Variants in ZNF679 observed in about 807,000 individuals in gnomAD.
ZNF679 encodes hypothetical protein MGC42415.
ZNF679 carries 10 observed loss-of-function variants against 13.4 expected under a neutral mutation model. The observed-to-expected ratio is 0.75, with a 90% CI of 0.46 to 1.27. ZNF679 has a LOEUF of 1.27. ZNF679 is among the 50% of genes most tolerant of loss of function. The pLI, the probability that ZNF679 is intolerant of heterozygous loss-of-function variation, is 0.00. For missense variants in ZNF679, 525 were observed against 477.8 expected, an observed-to-expected ratio of 1.10 and a Z score of -0.92; for synonymous variants, 179 against 162.5, an observed-to-expected ratio of 1.10 and a Z score of -0.77.
At chr7:64,238,162 G>C (rs1787751961) in intron 1 of ZNF679, among the ~76,000 whole-genome samples, 1 of 152,056 alleles carries the variant, frequency 6.6e-6, no homozygotes, top group African/African-American at 2.4e-5. Context: ...CTTGGACTCT[G>C]CTCCACCTCC....
At chr7:64,229,714 G>A (rs531972442) in intron 1 of ZNF679, among the ~76,000 whole-genome samples, 2 of 152,248 alleles carry the variant, frequency 1.3e-5, no homozygotes, top group South Asian at 2.1e-4. Flanking sequence ...AATCTAGCCA[G>A]GGGAGTAAAA....
intron 2 of ZNF679, among the ~76,000 whole-genome samples, chr7:64,257,229 C>T (rs189567204): frequency 3.7e-4 from 56 of 152,262 alleles, no homozygotes; most frequent in Non-Finnish European, 4.4e-4. Context: ...TAGTGTTATA[C>T]ACTTTGTTCT....
chr7:64,265,401 T>C (rs1350035305), intron 4 of ZNF679, among the ~76,000 whole-genome samples: 1 of 152,204 alleles, frequency 6.6e-6, no homozygotes, highest in African/African-American at 2.4e-5. Flanking sequence ...TACTACAGTC[T>C]TTCTGCTGTT....
intron 2 of ZNF679, 37 bp downstream of exon 2, chr7:64,249,193 G>A (rs1787909975): frequency 6.2e-7 from 1 of 1,613,964 alleles, no homozygotes; most frequent in African/African-American, 1.3e-5. Context: ...AGAGGGGTGA[G>A]GGCTGGTTGG....
intron 2 of ZNF679, among the ~76,000 whole-genome samples, chr7:64,257,511 A>G (rs1186694988): frequency 6.6e-6 from 1 of 152,174 alleles, no homozygotes; most frequent in Admixed American, 6.5e-5. Flanking sequence ...AAATTATTCA[A>G]CACTTAGTAG....
intron 4 of ZNF679, among the ~76,000 whole-genome samples, chr7:64,264,697 T>C (rs1788121404): frequency 6.6e-6 from 1 of 152,116 alleles, no homozygotes; most frequent in South Asian, 2.1e-4. Flanking sequence ...ACACAGTTCT[T>C]TTCTGACCTG....
intron 1 of ZNF679, among the ~76,000 whole-genome samples, chr7:64,242,080 CA>C (rs1787806303): frequency 6.6e-6 from 1 of 152,208 alleles, no homozygotes; most frequent in African/African-American, 2.4e-5. Context: ...CACTTATAAA[CA>C]GTGTCCCAGT....
chr7:64,232,917 C>T (rs1787660036), intron 1 of ZNF679, among the ~76,000 whole-genome samples: 1 of 152,102 alleles, frequency 6.6e-6, no homozygotes, highest in Admixed American at 6.6e-5. Context: ...AGAGGTATGT[C>T]ACAATACCCC....
At chr7:64,263,918 A>T (rs1038615044) in intron 4 of ZNF679, among the ~76,000 whole-genome samples, 2 of 152,054 alleles carry the variant, frequency 1.3e-5, no homozygotes, top group African/African-American at 4.8e-5. Flanking sequence ...TCTGTTTTTT[A>T]ATTAATTTTT....
chr7:64,261,522 G>A (rs1788077085), intron 4 of ZNF679, among the ~76,000 whole-genome samples: 2 of 151,924 alleles, frequency 1.3e-5, no homozygotes, highest in Admixed American at 1.3e-4. Context: ...TTACTGTGTT[G>A]CATATTTTAG....
In ZNF679 at chr7:64,260,227, T is replaced by A; in HGVS notation, c.46T>A (p.Leu16Met). The change falls in exon 3 of 5, where the codon TTG becomes ATG. Residue 16 changes from leucine to methionine, a missense_variant. Coordinates refer to ENST00000421025, the MANE Select transcript of ZNF679 (RefSeq NM_153363.3). Reference sequence around the variant, plus strand: ...TGTTGTTATTGTTTTTCAGGGACTGTTGACATTCAGAGATGTAGTCATAGA... The same window carrying A: ...TGTTGTTATTGTTTTTCAGGGACTGATGACATTCAGAGATGTAGTCATAGA... ...GSPGSREMGL[L>M]TFRDVVIEFS... 6.2e-7 allele frequency: 1 copy of A among 1,603,578 alleles called. No homozygotes were observed. The highest frequency in any genetic ancestry group is 8.5e-7 in the Non-Finnish European group (1 of 1,177,144).
chr7:64,231,844 G>A (rs956787344), intron 1 of ZNF679, among the ~76,000 whole-genome samples: 11 of 152,212 alleles, frequency 7.2e-5, no homozygotes, highest in African/African-American at 2.7e-4. Flanking sequence ...TCAGGTGCTA[G>A]GCAAAGGTAG....
In ZNF679 at chr7:64,251,868, C is replaced by G. The variant is rs1787948249; in HGVS notation, c.39+2712C>G. On this transcript the variant is annotated intron_variant, in intron 2 of 4. Transcript: ENST00000421025. ...GGGCTGTGAGCAATCTCCTAGTATA[C>G]TTTTCCTATAAAAAGCTAATCCCTT... 3.9e-5 allele frequency among the ~76,000 whole-genome samples: 6 copies of G among 152,192 alleles called. No homozygotes were observed. In the South Asian group the frequency reaches 1.2e-3, roughly 32 times the overall value.
chr7:64,230,122 C>G (rs1015884042), intron 1 of ZNF679, among the ~76,000 whole-genome samples: 8 of 152,216 alleles, frequency 5.3e-5, no homozygotes, highest in African/African-American at 1.7e-4. Flanking sequence ...GTAACATCAC[C>G]TAGGTGATGG....
chr7:64,241,462 G>T (rs1225090622), intron 1 of ZNF679, among the ~76,000 whole-genome samples: 1 of 152,174 alleles, frequency 6.6e-6, no homozygotes, highest in Non-Finnish European at 1.5e-5. Flanking sequence ...CCTAGGTGGT[G>T]GGCCCAGCGA....
At chr7:64,249,276 C>G in intron 2 of ZNF679, 120 bp downstream of exon 2, 1 of 1,537,746 alleles carries the variant, frequency 6.5e-7, no homozygotes. Context: ...GACCCAAATC[C>G]TCCTTGGCCC....
At chr7:64,239,616 C>G (rs966189174) in intron 1 of ZNF679, among the ~76,000 whole-genome samples, 1 of 152,212 alleles carries the variant, frequency 6.6e-6, no homozygotes, top group Non-Finnish European at 1.5e-5. Context: ...TTATTGAGCA[C>G]CTAGGTGATG....
At chr7:64,252,441 C>G (rs1253143632) in intron 2 of ZNF679, among the ~76,000 whole-genome samples, 2 of 151,992 alleles carry the variant, frequency 1.3e-5, no homozygotes, top group African/African-American at 2.4e-5. Flanking sequence ...TTGCATTTAC[C>G]CTTTTGTTTT....
At chr7:64,248,983 A>ATCC in intron 1 of ZNF679, 45 bp from the exon 2 acceptor site, 1 of 1,277,856 alleles carries the variant, frequency 7.8e-7, no homozygotes, top group African/African-American at 1.5e-5. Context: ...AGAGAACAGG[A>ATCC]TGCCTCCGTA....
Sources: gnomAD v4.1 joint callset for allele counts (sites outside exome capture counted in the v4.1 genomes callset) on GRCh38, gnomAD v4.1.1 for gene constraint, MANE v1.5 for transcripts, NCBI Gene and HGNC (gene_info 2026-07-23, HGNC 2026-07-21) for gene names.